The following CNKSR3 variants were observed in gnomAD, a reference collection of about 807,000 sequenced individuals.
CNKSR3 encodes the protein CNKSR family member 3, also known as connector enhancer of kinase suppressor of ras 3.
Under a neutral mutation model 67.7 loss-of-function variants are expected in CNKSR3, and 36 were observed. That is an observed-to-expected ratio of 0.53 (90% CI 0.41 to 0.70). CNKSR3 has a LOEUF of 0.70. Among genes scored for constraint, CNKSR3 ranks in the 30% least tolerant of loss-of-function variants. The pLI is 0.00. For missense variants in CNKSR3, 630 were observed against 695.2 expected, an observed-to-expected ratio of 0.91 and a Z score of 1.05; for synonymous variants, 281 against 271.4, an observed-to-expected ratio of 1.04 and a Z score of -0.35.
intron 2 of CNKSR3, among the ~76,000 whole-genome samples, chr6:154,446,594 C>T (rs1431390023): frequency 6.6e-6 from 1 of 152,092 alleles, no homozygotes; most frequent in Admixed American, 6.5e-5. Context: ...TATACCAGTG[C>T]GCATAAGCAC....
At chr6:154,491,213 T>G (rs755089236) in intron 1 of CNKSR3, among the ~76,000 whole-genome samples, 1 of 152,202 alleles carries the variant, frequency 6.6e-6, no homozygotes, top group Non-Finnish European at 1.5e-5. Context: ...CATAACTGCA[T>G]GAGATACTCC....
chr6:154,503,303 CTT>C (rs1582907910), intron 1 of CNKSR3, among the ~76,000 whole-genome samples: 1 of 152,112 alleles, frequency 6.6e-6, no homozygotes, highest in African/African-American at 2.4e-5. Context: ...CTTCTTACTA[CTT>C]GTGTTAAAGA....
intron 1 of CNKSR3, among the ~76,000 whole-genome samples, chr6:154,477,743 T>G (rs1355384283): frequency 6.6e-6 from 1 of 152,220 alleles, no homozygotes; most frequent in Non-Finnish European, 1.5e-5. Flanking sequence ...AGAGCAGGAC[T>G]GCTAATGGAC....
intron 1 of CNKSR3, among the ~76,000 whole-genome samples, chr6:154,455,039 T>G (rs1785922358): frequency 6.6e-6 from 1 of 151,808 alleles, no homozygotes; most frequent in Non-Finnish European, 1.5e-5. Context: ...ACGGGCACAG[T>G]GGCTCACATC....
rs1038540596 is a variant in CNKSR3, at chr6:154,404,031, C to G, written c.*2323G>C. 6.6e-6 allele frequency: 1 copy of G among 151,996 alleles called. No individual in the cohort carries two copies. Among genetic ancestry groups the G allele is most frequent in the African/African-American group, 2.4e-5 (1 of 41,336 alleles). The allele number at this position is 151,996 out of a possible 1,614,324, so 9.4% of individuals were successfully genotyped here. Reference sequence around the variant, plus strand: ...TAAAACAGGCAGGGCTGGCTCGCCCCTCGTACACAGCTCCCTCCTCATCAC... The same window carrying G: ...TAAAACAGGCAGGGCTGGCTCGCCCGTCGTACACAGCTCCCTCCTCATCAC... On this transcript the variant is annotated 3_prime_UTR_variant, in exon 13 of 13. Coordinates refer to ENST00000607772, the MANE Select transcript of CNKSR3 (RefSeq NM_173515.4).
In CNKSR3 at chr6:154,491,314, CCT is replaced by C. The variant is rs1411209751; in HGVS notation, c.52+18747_52+18748del. Among the ~76,000 whole-genome samples the C allele has an allele frequency of 3.3e-5, 5 of 152,248 alleles. No individual in the cohort carries two copies. In the East Asian group the frequency reaches 5.8e-4, roughly 18 times the overall value. On this transcript the variant is annotated intron_variant, in intron 1 of 12. Coordinates refer to ENST00000607772, the MANE Select transcript of CNKSR3 (RefSeq NM_173515.4). ...CTGAAGTCACCAAACAAAGACAGCC[CCT>C]GTCTTATTCACTGCACCTAGAAAAG... is the stretch of plus-strand genomic sequence containing the variant.
Position 154,392,225 on chromosome 6 carries a change from G to T in CNKSR3, c.*14129C>A, listed in dbSNP as rs9384210. 1 of 150,440 alleles carries T rather than the reference G, an allele frequency of 6.6e-6. No homozygotes were observed. Among genetic ancestry groups the T allele is most frequent in the Non-Finnish European group, 1.5e-5 (1 of 67,684 alleles). The allele number at this position is 150,440 out of a possible 1,614,324, so 9.3% of individuals were successfully genotyped here. A position where few individuals can be genotyped will look rare whatever the true frequency, so the allele number is the denominator to read the frequency against. On this transcript the variant is annotated 3_prime_UTR_variant, in exon 13 of 13. Transcript: ENST00000607772. ...ACTCCATCTCAAAAAAAAAAAAAGA[G>T]TGTACCATTATATGTTGTCTTCTGA...
intron 1 of CNKSR3, among the ~76,000 whole-genome samples, chr6:154,483,920 T>G (rs1786615993): frequency 6.6e-6 from 1 of 152,216 alleles, no homozygotes; most frequent in Non-Finnish European, 1.5e-5. Context: ...TGATTGGGAC[T>G]GTACTACAGA....
chr6:154,415,635 G>A (rs563672233), intron 9 of CNKSR3, among the ~76,000 whole-genome samples: 2 of 152,296 alleles, frequency 1.3e-5, no homozygotes, highest in South Asian at 2.1e-4. Flanking sequence ...GGGTGGCTGT[G>A]AGAATTAAGT....
At chr6:154,418,539 T>C (rs1204401588) in intron 9 of CNKSR3, among the ~76,000 whole-genome samples, 2 of 152,062 alleles carry the variant, frequency 1.3e-5, no homozygotes, top group African/African-American at 2.4e-5. Context: ...CATACCTCTC[T>C]CTCCTTCAGA....
intron 1 of CNKSR3, among the ~76,000 whole-genome samples, chr6:154,455,587 A>G (rs1253812064): frequency 2.0e-5 from 3 of 151,892 alleles, no homozygotes; most frequent in Non-Finnish European, 2.9e-5. Flanking sequence ...ACGTCCAGCT[A>G]ATTTTTGTAT....
At chr6:154,465,242 A>G (rs1310186493) in intron 1 of CNKSR3, among the ~76,000 whole-genome samples, 1 of 152,092 alleles carries the variant, frequency 6.6e-6, no homozygotes, top group African/African-American at 2.4e-5. Context: ...ATAAAATTCT[A>G]AAGTCTTTAA....
intron 4 of CNKSR3, among the ~76,000 whole-genome samples, chr6:154,438,234 TTC>T (rs1785512454): frequency 6.6e-6 from 1 of 152,176 alleles, no homozygotes; most frequent in African/African-American, 2.4e-5. Context: ...AAATTTTTTG[TTC>T]TCTTTTTTTG....
intron 10 of CNKSR3, among the ~76,000 whole-genome samples, chr6:154,413,603 T>A (rs1320709805): frequency 6.6e-6 from 1 of 152,096 alleles, no homozygotes; most frequent in East Asian, 1.9e-4. Flanking sequence ...CTCATTAATC[T>A]CACAGAAATA....
chr6:154,486,988 G>C (rs933252030), intron 1 of CNKSR3, among the ~76,000 whole-genome samples: 1 of 151,598 alleles, frequency 6.6e-6, no homozygotes, highest in Non-Finnish European at 1.5e-5. Flanking sequence ...CTTTTTTTGC[G>C]GGGGCAGGTG....
chr6:154,414,450 A>G, intron 9 of CNKSR3, 27 bp from the exon 10 acceptor site: 2 of 1,566,768 alleles, frequency 1.3e-6, no homozygotes, highest in Non-Finnish European at 1.7e-6. Flanking sequence ...ACAGCAATGC[A>G]AAGAGTGGAG....
intron 12 of CNKSR3, among the ~76,000 whole-genome samples, chr6:154,407,666 G>A (rs145574031): frequency 5.3e-5 from 8 of 151,672 alleles, no homozygotes; most frequent in South Asian, 4.2e-4. Context: ...ACACCCAGCC[G>A]GTCTCGAAAT....
intron 12 of CNKSR3, among the ~76,000 whole-genome samples, chr6:154,408,834 T>G (rs1784853907): frequency 6.6e-6 from 1 of 152,214 alleles, no homozygotes; most frequent in South Asian, 2.1e-4. Flanking sequence ...GATAGATACC[T>G]TTATTCCAAA....
chr6:154,483,109 C>T (rs963100142), intron 1 of CNKSR3, among the ~76,000 whole-genome samples: 1 of 152,186 alleles, frequency 6.6e-6, no homozygotes, highest in Non-Finnish European at 1.5e-5. Flanking sequence ...GGACGAAGGA[C>T]AGGAAGTCTC....
Sources: allele counts gnomAD v4.1 joint callset (sites outside exome capture counted in the v4.1 genomes callset), GRCh38; gene constraint gnomAD v4.1.1; transcripts MANE v1.5; gene names NCBI Gene and HGNC (gene_info 2026-07-23, HGNC 2026-07-21).